PRKAR1A: variants seen among roughly 807,000 people sequenced by gnomAD.
The protein encoded by PRKAR1A is protein kinase cAMP-dependent type I regulatory subunit alpha.
PRKAR1A carries 3 observed loss-of-function variants against 52.0 expected under a neutral mutation model. The observed-to-expected ratio is 0.06, with a 90% CI of 0.03 to 0.15. The LOEUF is 0.15. Ranked by LOEUF, PRKAR1A falls within the 10% of genes least tolerant of loss-of-function variation. PRKAR1A has a pLI of 1.00. For synonymous variants in PRKAR1A, 188 were observed against 168.4 expected (o/e 1.12, Z -0.90); for missense variants, 240 against 477.4 (o/e 0.50, Z 4.63).
the PRKAR1A span, among the ~76,000 whole-genome samples, chr17:68,466,290 G>C: frequency 6.6e-6 from 1 of 151,976 alleles, no homozygotes; most frequent in African/African-American, 2.4e-5. Flanking sequence ...GAAGGCCCTT[G>C]TGATTGATGC....
At chr17:68,430,911 G>A in the PRKAR1A span, among the ~76,000 whole-genome samples, 6 of 152,202 alleles carry the variant, frequency 3.9e-5, no homozygotes, top group Admixed American at 3.9e-4. Flanking sequence ...AGCTCGCCCT[G>A]CAGCTCAGAG....
At chr17:68,463,202 G>A in the PRKAR1A span, among the ~76,000 whole-genome samples, 2 of 152,086 alleles carry the variant, frequency 1.3e-5, no homozygotes, top group Admixed American at 1.3e-4. Flanking sequence ...AGGATGGTTG[G>A]GGGGACACCT....
the PRKAR1A span, among the ~76,000 whole-genome samples, chr17:68,482,180 C>T: frequency 8.5e-5 from 13 of 152,212 alleles, no homozygotes; most frequent in Middle Eastern, 3.4e-3. Context: ...TAGGATGAAG[C>T]GACAGGGAAA....
At chr17:68,427,513 C>T in the PRKAR1A span, 6 of 267,712 alleles carry the variant, frequency 2.2e-5, no homozygotes, top group South Asian at 4.8e-5. Flanking sequence ...CCCACCACAG[C>T]GCCTGGCTAA....
the PRKAR1A span, among the ~76,000 whole-genome samples, chr17:68,500,291 G>A: frequency 6.4e-4 from 98 of 152,284 alleles, no homozygotes; most frequent in Admixed American, 9.2e-4. Context: ...GAATCATGGG[G>A]GCGGTTCCCC....
chr17:68,486,127 C>T, the PRKAR1A span, among the ~76,000 whole-genome samples: 1 of 152,132 alleles, frequency 6.6e-6, no homozygotes, highest in Non-Finnish European at 1.5e-5. Context: ...AGACATTCTC[C>T]CAGCAATCAG....
the PRKAR1A span, among the ~76,000 whole-genome samples, chr17:68,463,283 C>T: frequency 1.3e-5 from 2 of 152,298 alleles, no homozygotes; most frequent in South Asian, 4.1e-4. Context: ...GTCTCTGAGG[C>T]TCCCTTGTGT....
At chr17:68,481,804 C>T in the PRKAR1A span, among the ~76,000 whole-genome samples, 1 of 152,108 alleles carries the variant, frequency 6.6e-6, no homozygotes, top group Non-Finnish European at 1.5e-5. Flanking sequence ...GTTGAATAGA[C>T]CATGTCAAAG....
At chr17:68,423,308 A>G in the PRKAR1A span, among the ~76,000 whole-genome samples, 1 of 152,186 alleles carries the variant, frequency 6.6e-6, no homozygotes, top group Non-Finnish European at 1.5e-5. The surrounding 1 kb of genome is among the most constrained non-coding windows in gnomAD (Gnocchi z 4.4). Context: ...GATGGGCCAT[A>G]TTGATAGAGC....
chr17:68,516,203 C>T (rs1044845312), intron 2 of PRKAR1A, among the ~76,000 whole-genome samples: 1 of 152,036 alleles, frequency 6.6e-6, no homozygotes, highest in South Asian at 2.1e-4. Context: ...GCTCTTCCTC[C>T]TTGCTTGTAT....
intron 2 of PRKAR1A, among the ~76,000 whole-genome samples, chr17:68,518,508 T>G (rs1435855327): frequency 6.6e-6 from 1 of 152,220 alleles, no homozygotes; most frequent in Non-Finnish European, 1.5e-5. Flanking sequence ...TCTGAAGTAA[T>G]GGCCAGAGCT....
At chr17:68,535,918 G>A (rs563867619), downstream of PRKAR1A, 1 of 454,088 alleles carries the variant, frequency 2.2e-6, no homozygotes, top group African/African-American at 2.0e-5. Context: ...ACTAAATTGT[G>A]TGATTTTGCT....
At chr17:68,420,079 T>C in the PRKAR1A span, 11 of 1,264,748 alleles carry the variant, frequency 8.7e-6, no homozygotes, top group East Asian at 1.6e-4. Context: ...ATTGGAACAT[T>C]TGGTTATCTG....
chr17:68,424,811 AGG>A, the PRKAR1A span, among the ~76,000 whole-genome samples: 1 of 152,006 alleles, frequency 6.6e-6, no homozygotes, highest in African/African-American at 2.4e-5. Flanking sequence ...CAGGAGGCAG[AGG>A]CTGCAGCGAG....
chr17:68,512,817 C>T (rs1428244977), intron 1 of PRKAR1A: 2 of 152,082 alleles, frequency 1.3e-5, no homozygotes, highest in Admixed American at 6.5e-5. Flanking sequence ...CACCCCACGG[C>T]TCCTGGGGCC....
chr17:68,539,436 T>G, intron 11 of PRKAR1A: 2 of 1,563,594 alleles, frequency 1.3e-6, no homozygotes, highest in Non-Finnish European at 1.8e-6. Context: ...GCCGGCAGCA[T>G]CCTTTGCATT....
At chr17:68,489,364 GTA>G in the PRKAR1A span, among the ~76,000 whole-genome samples, 70 of 47,836 alleles carry the variant, frequency 1.5e-3, 6 homozygotes, top group African/African-American at 5.3e-3. Context: ...TATATGGAAA[GTA>G]TATATATATA....
chr17:68,436,583 C>T, the PRKAR1A span: 3 of 1,027,166 alleles, frequency 2.9e-6, no homozygotes, highest in Non-Finnish European at 4.3e-6. Flanking sequence ...CACCTACTGG[C>T]AAGGGGAGGA....
At chr17:68,424,452 T>C in the PRKAR1A span, 11 of 534,610 alleles carry the variant, frequency 2.1e-5, no homozygotes, top group African/African-American at 2.1e-4. Context: ...CCTTTTACAA[T>C]TGGAAGCTCA....
Sources: gnomAD v4.1 joint callset for allele counts (sites outside exome capture counted in the v4.1 genomes callset) on GRCh38, gnomAD v4.1.1 for gene constraint, Gnocchi (gnomAD v3.1) non-coding constraint, MANE v1.5 for transcripts, NCBI Gene and HGNC (gene_info 2026-07-23, HGNC 2026-07-21) for gene names.